Variants in CCDC32 observed in about 807,000 individuals in gnomAD.
CCDC32 encodes coiled-coil domain-containing protein 32.
CCDC32 carries 9 observed loss-of-function variants against 20.1 expected under a neutral mutation model. The ratio of observed to expected loss-of-function variants is 0.45; its 90% CI spans 0.27 to 0.78. The LOEUF is 0.78. Among genes scored for constraint, CCDC32 ranks in the 30% least tolerant of loss-of-function variants. CCDC32 has a pLI of 0.16. For missense variants in CCDC32, 204 were observed against 215.5 expected (o/e 0.95, Z 0.33); for synonymous variants, 63 against 79.0 (o/e 0.80, Z 1.07).
chr15:40,549,207 A>G (rs1486443410), downstream of CCDC32, among the ~76,000 whole-genome samples: 1 of 152,040 alleles, frequency 6.6e-6, no homozygotes, highest in Non-Finnish European at 1.5e-5. Flanking sequence ...TCCCACAATA[A>G]ACTCCAAACT....
chr15:40,524,220 C>T (rs1894869554), downstream of CCDC32, among the ~76,000 whole-genome samples: 1 of 136,544 alleles, frequency 7.3e-6, no homozygotes, highest in Admixed American at 8.5e-5. Context: ...TGCGATGGCG[C>T]GATCTCGGCT....
At chr15:40,561,858 C>G (rs4924482) in intron 2 of CCDC32, 1 of 150,740 alleles carries the variant, frequency 6.6e-6, no homozygotes, top group Non-Finnish European at 1.5e-5. Flanking sequence ...AAGACTGCCC[C>G]TCACCGCCCT....
intron 2 of CCDC32, among the ~76,000 whole-genome samples, chr15:40,561,617 A>G (rs1890640890): frequency 6.6e-6 from 1 of 152,148 alleles, no homozygotes. Context: ...TACTTGGGTG[A>G]TGGGTGCACT....
chr15:40,556,347 G>A (rs1206126086), intron 3 of CCDC32, among the ~76,000 whole-genome samples: 2 of 152,206 alleles, frequency 1.3e-5, no homozygotes, highest in African/African-American at 4.8e-5. Context: ...ATTAATGCCT[G>A]GTATTGTTAG....
chr15:40,557,850 A>G (rs3743146), intron 2 of CCDC32: 43,708 of 152,448 alleles, frequency 0.29, 6,698 homozygotes, highest in Middle Eastern at 0.39. Context: ...GAAAGATCCA[A>G]CGGTTCATTA....
In CCDC32 at chr15:40,553,905, C is replaced by CGTGTGTGTGTGTGTGT. The variant is rs60438611; in HGVS notation, c.*50_*65dup. On this transcript the variant is annotated 3_prime_UTR_variant, in exon 4 of 4. Transcript: ENST00000416810. ...CTCTGGACCCGAGACAGCTGCTCGG[C>CGTGTGTGTGTGTGTGT]GTGTGTGTGTGTGTGTGTGTGTGTG... 5.6e-6 allele frequency: 8 copies of CGTGTGTGTGTGTGTGT among 1,435,474 alleles called. No individual in the cohort carries two copies. The East Asian group carries it at 1.3e-4, about 24-fold the overall frequency. The allele number at this position is 1,435,474 out of a possible 1,614,324, so 88.9% of individuals were successfully genotyped here.
chr15:40,550,755 G>A (rs545195349), downstream of CCDC32, among the ~76,000 whole-genome samples: 29 of 152,272 alleles, frequency 1.9e-4, no homozygotes, highest in African/African-American at 5.8e-4. Flanking sequence ...CTCTCACACC[G>A]CACCCAGGTT....
chr15:40,530,216 C>T (rs1888831752), downstream of CCDC32, among the ~76,000 whole-genome samples: 1 of 143,550 alleles, frequency 7.0e-6, no homozygotes, highest in Admixed American at 7.5e-5. Flanking sequence ...CTACTTGAAC[C>T]TGGGAGGTAG....
At chr15:40,553,072 G>A (rs1021170366), downstream of CCDC32, 3 of 966,958 alleles carry the variant, frequency 3.1e-6, no homozygotes, top group Admixed American at 6.2e-5. Flanking sequence ...AGGAGCAATC[G>A]AGTCAACAGC....
intron 3 of CCDC32, among the ~76,000 whole-genome samples, chr15:40,542,927 G>A (rs181688335): frequency 2.6e-4 from 40 of 151,930 alleles, no homozygotes; most frequent in African/African-American, 9.7e-4. Flanking sequence ...GAAGGCCAAG[G>A]TAGGAGGATT....
At chr15:40,558,632 TA>T (rs1291761452) in intron 2 of CCDC32, among the ~76,000 whole-genome samples, 5 of 152,008 alleles carry the variant, frequency 3.3e-5, no homozygotes, top group African/African-American at 1.2e-4. Flanking sequence ...AAACAGGCAC[TA>T]ACACGTCCCT....
At chr15:40,562,732 A>G in intron 2 of CCDC32, 40 bp downstream of exon 2, 1 of 1,578,234 alleles carries the variant, frequency 6.3e-7, no homozygotes, top group Non-Finnish European at 8.6e-7. Context: ...GTTTGATGTA[A>G]CAGAACTTCA....
At chr15:40,528,608 C>T (rs1321134636), downstream of CCDC32, 9 of 605,828 alleles carry the variant, frequency 1.5e-5, no homozygotes, top group Admixed American at 2.7e-4. Flanking sequence ...GGGAAGACAC[C>T]AGGTCTGGTA....
Position 40,553,601 on chromosome 15 carries a change from C to A in CCDC32, c.*370G>T. The A allele has an allele frequency of 2.9e-6, 3 of 1,022,010 alleles. No homozygotes were observed. The highest frequency in any genetic ancestry group is 3.5e-6 in the Non-Finnish European group (3 of 854,148). The allele number at this position is 1,022,010 out of a possible 1,614,324, so 63.3% of individuals were successfully genotyped here. A position where few individuals can be genotyped will look rare whatever the true frequency, so the allele number is the denominator to read the frequency against. On this transcript the variant is annotated 3_prime_UTR_variant, in exon 4 of 4. Transcript: ENST00000416810. ...TATGGCTCACTTAACTTACACATTA[C>A]ACATAAGAGGCCTCAGTTTCTCCAA...
At chr15:40,560,292 G>T (rs1360534186) in intron 2 of CCDC32, among the ~76,000 whole-genome samples, 1 of 152,230 alleles carries the variant, frequency 6.6e-6, no homozygotes, top group Non-Finnish European at 1.5e-5. Context: ...ACAGGCGTGA[G>T]CCACCGTGCC....
At chr15:40,559,265 T>C (rs776526574) in intron 2 of CCDC32, among the ~76,000 whole-genome samples, 1 of 152,182 alleles carries the variant, frequency 6.6e-6, no homozygotes, top group Non-Finnish European at 1.5e-5. Flanking sequence ...TTTAAAAATG[T>C]ATTTGTAAAG....
At position 40,553,264 on chromosome 15, in the gene CCDC32, C is replaced by G; in HGVS notation, c.*707G>C. The G allele has an allele frequency of 1.0e-6, 1 of 985,446 alleles. No individual in the cohort carries two copies. 61.0% of individuals were successfully genotyped at this position (985,446 alleles called of 1,614,324 possible). A position where few individuals can be genotyped will look rare whatever the true frequency, so the allele number is the denominator to read the frequency against. On this transcript the variant is annotated 3_prime_UTR_variant, in exon 4 of 4. Transcript: ENST00000416810. Reference sequence around the variant, plus strand: ...CATATTTACAAGTCTAATTTGGAACCTGGCCCTTTTTAAGTGCAGGAGGAA... The same window carrying G: ...CATATTTACAAGTCTAATTTGGAACGTGGCCCTTTTTAAGTGCAGGAGGAA...
downstream of CCDC32, among the ~76,000 whole-genome samples, chr15:40,551,000 T>A (rs1889831061): frequency 6.6e-6 from 1 of 152,184 alleles, no homozygotes; most frequent in Non-Finnish European, 1.5e-5. Flanking sequence ...CATTGCTTTT[T>A]TTTTCTTAAA....
At chr15:40,530,503 CT>C (rs1888840178), downstream of CCDC32, among the ~76,000 whole-genome samples, 1 of 137,256 alleles carries the variant, frequency 7.3e-6, no homozygotes, top group Non-Finnish European at 1.6e-5. Context: ...CTCTCTCTCT[CT>C]GGTTGTTTAA....
Sources: allele counts gnomAD v4.1 joint callset (sites outside exome capture counted in the v4.1 genomes callset), GRCh38; gene constraint gnomAD v4.1.1; transcripts MANE v1.5; gene names NCBI Gene and HGNC (gene_info 2026-07-23, HGNC 2026-07-21).